RFX3: variants seen among roughly 807,000 people sequenced by gnomAD.
RFX3 encodes regulatory factor X3, also known as transcription factor RFX3.
In RFX3, 14 loss-of-function variants were observed where a neutral mutation model predicts 98.6. That is an observed-to-expected ratio of 0.14 (90% CI 0.09 to 0.22). The LOEUF (loss-of-function observed/expected upper bound fraction) is 0.22. Ranked by LOEUF, RFX3 falls within the 10% of genes least tolerant of loss-of-function variation. RFX3 has a pLI of 1.00. For missense variants in RFX3, 639 were observed against 926.9 expected (o/e 0.69, Z 4.03); for synonymous variants, 383 against 328.4 (o/e 1.17, Z -1.80).
intron 2 of RFX3, among the ~76,000 whole-genome samples, chr9:3,383,086 G>C (rs1839358674): frequency 6.6e-6 from 1 of 151,984 alleles, no homozygotes; most frequent in Non-Finnish European, 1.5e-5. Flanking sequence ...AAAATTGCAA[G>C]AATTATACAA....
intron 15 of RFX3, chr9:3,247,620 C>T: frequency 7.5e-7 from 1 of 1,332,010 alleles, no homozygotes; most frequent in South Asian, 1.7e-5. Flanking sequence ...AAAATAGAAT[C>T]ATTTACTTTG....
chr9:3,419,332 AT>A (rs1000414494), intron 1 of RFX3, among the ~76,000 whole-genome samples: 1 of 152,158 alleles, frequency 6.6e-6, no homozygotes, highest in Non-Finnish European at 1.5e-5. Context: ...ACAAGTTTTT[AT>A]TTTTTCTTTA....
chr9:3,247,594 C>T (rs759817932), intron 15 of RFX3: 1 of 1,261,596 alleles, frequency 7.9e-7, no homozygotes, highest in Non-Finnish European at 1.0e-6. Flanking sequence ...ATCATCATTA[C>T]CATTTTTATC....
chr9:3,508,980 AAG>A (rs753304171), intron 1 of RFX3, among the ~76,000 whole-genome samples: 1 of 151,462 alleles, frequency 6.6e-6, no homozygotes, highest in African/African-American at 2.4e-5. Context: ...CACACACAGA[AAG>A]AGAGACACAG....
At chr9:3,365,246 G>A (rs1382940503) in intron 2 of RFX3, among the ~76,000 whole-genome samples, 2 of 143,868 alleles carry the variant, frequency 1.4e-5, no homozygotes, top group South Asian at 2.2e-4. Context: ...GTTGCAGTGA[G>A]CCGAGATCAC....
At chr9:3,238,080 CGT>C (rs1224710538) in intron 15 of RFX3, among the ~76,000 whole-genome samples, 1 of 152,106 alleles carries the variant, frequency 6.6e-6, no homozygotes, top group Non-Finnish European at 1.5e-5. Context: ...TGAATTTGTT[CGT>C]GTTTGCAGAG....
At chr9:3,430,918 T>C (rs1315896888) in intron 1 of RFX3, among the ~76,000 whole-genome samples, 2 of 152,174 alleles carry the variant, frequency 1.3e-5, no homozygotes, top group African/African-American at 2.4e-5. Flanking sequence ...CCATAAAATA[T>C]ATATAAATCC....
At chr9:3,314,808 C>T (rs1183917175) in intron 4 of RFX3, among the ~76,000 whole-genome samples, 1 of 152,078 alleles carries the variant, frequency 6.6e-6, no homozygotes, top group Non-Finnish European at 1.5e-5. Context: ...GAGATCAATT[C>T]AACAAGAAGG....
At chr9:3,522,897 G>C (rs944074083) in intron 1 of RFX3, among the ~76,000 whole-genome samples, 1 of 151,974 alleles carries the variant, frequency 6.6e-6, no homozygotes, top group Admixed American at 6.6e-5. Context: ...AACTGTTCCA[G>C]GTTAAAGCAC....
At chr9:3,440,168 T>C (rs982268113) in intron 1 of RFX3, among the ~76,000 whole-genome samples, 10 of 152,164 alleles carry the variant, frequency 6.6e-5, no homozygotes, top group African/African-American at 2.4e-4. Flanking sequence ...GATGAAAAAT[T>C]AAGTATTTCT....
At chr9:3,264,849 G>A (rs750768119) in intron 12 of RFX3, among the ~76,000 whole-genome samples, 7 of 152,264 alleles carry the variant, frequency 4.6e-5, no homozygotes, top group South Asian at 2.1e-4. Context: ...ACCAAACTCT[G>A]GAGGTCAATG....
intron 14 of RFX3, among the ~76,000 whole-genome samples, chr9:3,248,928 G>A (rs1821026783): frequency 6.6e-6 from 1 of 152,006 alleles, no homozygotes; most frequent in Non-Finnish European, 1.5e-5. Context: ...TATTTAAAAT[G>A]GAAATGAGTC....
intron 2 of RFX3, among the ~76,000 whole-genome samples, chr9:3,358,404 T>C (rs1836019927): frequency 6.6e-6 from 1 of 152,102 alleles, no homozygotes; most frequent in African/African-American, 2.4e-5. Context: ...TGAGATTCTA[T>C]AATTAAAGTA....
chr9:3,424,396 C>G (rs1230650555), intron 1 of RFX3, among the ~76,000 whole-genome samples: 10 of 109,606 alleles, frequency 9.1e-5, no homozygotes, highest in Non-Finnish European at 1.2e-4. Flanking sequence ...GAGTCTCGCT[C>G]TGTCGCCCAG....
intron 1 of RFX3, among the ~76,000 whole-genome samples, chr9:3,493,696 AAAAAAT>A (rs1473445582): frequency 1.9e-4 from 24 of 123,390 alleles, no homozygotes; most frequent in East Asian, 1.3e-3. Flanking sequence ...AAAAAAAAAA[AAAAAAT>A]ATATATATAT....
chr9:3,514,085 AAGT>A (rs775978073), intron 1 of RFX3, among the ~76,000 whole-genome samples: 4 of 152,220 alleles, frequency 2.6e-5, no homozygotes, highest in Non-Finnish European at 5.9e-5. Context: ...TATTAACTGA[AAGT>A]AGCCTCTAAA....
At chr9:3,233,310 C>A (rs1272253294) in intron 15 of RFX3, among the ~76,000 whole-genome samples, 4 of 152,186 alleles carry the variant, frequency 2.6e-5, no homozygotes, top group Non-Finnish European at 5.9e-5. Context: ...TTGTTCATTA[C>A]AGGATTTTGA....
At position 3,248,106 on chromosome 9, in the gene RFX3, C is replaced by T. The variant is rs1460759054; in HGVS notation, c.1894G>A (p.Glu632Lys). 6.2e-7 allele frequency: 1 copy of T among 1,613,922 alleles called. No homozygotes were observed. Among genetic ancestry groups the T allele is most frequent in the Non-Finnish European group, 8.5e-7 (1 of 1,179,892 alleles). ...TGTTCTACTAAGTAAAACATATATT[C>T]GTCGTAGAGTAGACGGATCAGGTGG... is the stretch of plus-strand genomic sequence containing the variant. ...SFHLIRLLYD[E>K]YMFYLVEHRV... The change falls in exon 15 of 17, where the codon GAA (glutamate) becomes AAA (lysine). Residue 632 changes from glutamate to lysine, a missense_variant. By Grantham distance (56) the Glu-to-Lys change is moderately conservative. This residue lies in a region of RFX3 where 138 missense variants were observed against 308.9 expected (regional missense o/e 0.45). Coordinates refer to ENST00000617270, the MANE Select transcript of RFX3 (RefSeq NM_001282116.2).
intron 1 of RFX3, among the ~76,000 whole-genome samples, chr9:3,434,367 T>C (rs748155185): frequency 2.0e-5 from 3 of 152,170 alleles, no homozygotes; most frequent in Non-Finnish European, 4.4e-5. Flanking sequence ...ATGTTCACCT[T>C]ATTCGCATGT....
Sources: gnomAD v4.1 joint callset for allele counts (sites outside exome capture counted in the v4.1 genomes callset) on GRCh38, gnomAD v4.1.1 for gene constraint, gnomAD v4.1.1 regional missense constraint, MANE v1.5 for transcripts, NCBI Gene and HGNC (gene_info 2026-07-23, HGNC 2026-07-21) for gene names.